ASIC2: variants seen among roughly 807,000 people sequenced by gnomAD.
The protein encoded by ASIC2 is acid-sensing ion channel 2.
In ASIC2, 25 loss-of-function variants were observed where a neutral mutation model predicts 57.3. That is an observed-to-expected ratio of 0.44 (90% CI 0.32 to 0.61). The LOEUF (loss-of-function observed/expected upper bound fraction) is 0.61. ASIC2 is among the 20% of genes least tolerant of loss of function. The pLI, the probability that ASIC2 is intolerant of heterozygous loss-of-function variation, is 0.06. For synonymous variants in ASIC2, 319 were observed against 307.5 expected (o/e 1.04, Z -0.39); for missense variants, 641 against 738.1 (o/e 0.87, Z 1.52).
At chr17:33,497,627 A>C (rs931460601) in intron 1 of ASIC2, among the ~76,000 whole-genome samples, 1 of 152,152 alleles carries the variant, frequency 6.6e-6, no homozygotes, top group African/African-American at 2.4e-5. Flanking sequence ...TCCTGCCCCC[A>C]CTAGGGCAGG....
intron 1 of ASIC2, among the ~76,000 whole-genome samples, chr17:33,580,903 C>A (rs1488858770): frequency 6.6e-6 from 1 of 152,136 alleles, no homozygotes; most frequent in Non-Finnish European, 1.5e-5. Flanking sequence ...GTTAATGGGC[C>A]ACGGTCATGT....
intron 1 of ASIC2, among the ~76,000 whole-genome samples, chr17:33,663,131 A>G (rs1027759691): frequency 2.0e-5 from 3 of 152,188 alleles, no homozygotes; most frequent in Non-Finnish European, 2.9e-5. Flanking sequence ...TTCATCTTCA[A>G]AATAACTCAG....
At chr17:33,148,463 C>T (rs907143623) in intron 1 of ASIC2, among the ~76,000 whole-genome samples, 5 of 152,196 alleles carry the variant, frequency 3.3e-5, no homozygotes, top group African/African-American at 1.2e-4. Context: ...AAGAAGCACA[C>T]TTGGGTATCA....
At chr17:33,537,244 T>A (rs1164116407) in intron 1 of ASIC2, among the ~76,000 whole-genome samples, 1 of 152,128 alleles carries the variant, frequency 6.6e-6, no homozygotes, top group African/African-American at 2.4e-5. Flanking sequence ...TGTTCTGGTG[T>A]CAGGGTCTCT....
intron 1 of ASIC2, among the ~76,000 whole-genome samples, chr17:34,063,653 T>A (rs926078132): frequency 2.6e-5 from 4 of 152,150 alleles, no homozygotes; most frequent in Non-Finnish European, 4.4e-5. Flanking sequence ...CTAGAACTGA[T>A]AAAAGAACTC....
chr17:33,164,557 G>A (rs1204129416), intron 1 of ASIC2, among the ~76,000 whole-genome samples: 2 of 144,572 alleles, frequency 1.4e-5, no homozygotes, highest in Non-Finnish European at 3.0e-5. Flanking sequence ...GGAAACAGCT[G>A]TCCCAAAAGC....
chr17:33,842,225 A>G lies in ASIC2; in HGVS notation c.555+313753T>C, dbSNP rs190787394. Among the ~76,000 whole-genome samples the G allele has an allele frequency of 4.1e-3, 627 of 152,306 alleles. 4 individuals are homozygous for G. The highest frequency in any genetic ancestry group is 0.013 in the African/African-American group (549 of 41,564). On this transcript the variant is annotated intron_variant, in intron 1 of 9. Transcript: ENST00000359872. ...GACTTGCACCTGGCAACCTTCATTT[A>G]ACGCAAAACTCAGGGCCTCAGTGCC...
rs549819687 is a variant in ASIC2, at chr17:33,460,073, T to C, written c.556-348006A>G. On this transcript the variant is annotated intron_variant, in intron 1 of 9. Coordinates refer to the ASIC2 transcript ENST00000359872. The stretch of plus-strand genomic sequence containing the variant: ...GTTTGACAAACTAGCTAGTAGTTTA[T>C]GCTCTATAGCAGACATTTTTGCTTG... 8.5e-5 allele frequency among the ~76,000 whole-genome samples: 13 copies of C among 152,356 alleles called. No homozygotes were observed. The East Asian group carries it at 1.7e-3, about 20-fold the overall frequency.
intron 3 of ASIC2, chr17:33,052,009 A>G (rs2091978763): frequency 6.6e-6 from 1 of 152,176 alleles, no homozygotes; most frequent in African/African-American, 2.4e-5. Flanking sequence ...GCGGGAAGAG[A>G]AAAAGAGCAA....
At chr17:33,100,796 A>C (rs895831584) in intron 2 of ASIC2, among the ~76,000 whole-genome samples, 3 of 152,152 alleles carry the variant, frequency 2.0e-5, no homozygotes, top group Non-Finnish European at 4.4e-5. Flanking sequence ...ATGAGGTCTG[A>C]GGTTGGGGCT....
chr17:33,171,508 A>G (rs998113867), intron 1 of ASIC2, among the ~76,000 whole-genome samples: 10 of 152,250 alleles, frequency 6.6e-5, no homozygotes, highest in East Asian at 3.9e-4. Context: ...TTTCACCTCA[A>G]TATAGCTCAA....
At chr17:33,437,528 G>A (rs963389337) in intron 1 of ASIC2, among the ~76,000 whole-genome samples, 1 of 152,184 alleles carries the variant, frequency 6.6e-6, no homozygotes, top group African/African-American at 2.4e-5. Context: ...AGGGCCAGGT[G>A]TGGTGGCTCA....
chr17:33,730,319 T>C (rs2142090282), intron 1 of ASIC2, among the ~76,000 whole-genome samples: 1 of 152,326 alleles, frequency 6.6e-6, no homozygotes, highest in East Asian at 1.9e-4. Context: ...CTCCAGAGAC[T>C]ACAGATCTCA....
chr17:33,284,873 G>A (rs561508101), intron 1 of ASIC2, among the ~76,000 whole-genome samples: 2 of 152,252 alleles, frequency 1.3e-5, no homozygotes, highest in Non-Finnish European at 2.9e-5. Flanking sequence ...CCCACTCCCT[G>A]TATATCAGGA....
chr17:33,594,555 A>G (rs1238668622), intron 1 of ASIC2, among the ~76,000 whole-genome samples: 1 of 152,096 alleles, frequency 6.6e-6, no homozygotes, highest in East Asian at 1.9e-4. Context: ...TAGGCTGGGC[A>G]CAGTGGCTCA....
At chr17:33,092,801 T>C (rs8080183) in intron 2 of ASIC2, among the ~76,000 whole-genome samples, 18,960 of 152,260 alleles carry the variant, frequency 0.12, 1,309 homozygotes, top group Non-Finnish European at 0.16. Flanking sequence ...GCTGAGGGCA[T>C]GGGATATCTT....
At chr17:33,634,914 C>G (rs1906307059) in intron 1 of ASIC2, 1 of 151,902 alleles carries the variant, frequency 6.6e-6, no homozygotes, top group Non-Finnish European at 1.5e-5. Context: ...GAGAGACAGT[C>G]AATAAACTGG....
chr17:33,521,706 C>T (rs925308721), intron 1 of ASIC2, among the ~76,000 whole-genome samples: 1 of 152,184 alleles, frequency 6.6e-6, no homozygotes, highest in Non-Finnish European at 1.5e-5. Context: ...GAAGGAATTG[C>T]TCAAGTCACG....
chr17:33,639,263 G>A (rs1055186002), intron 1 of ASIC2, among the ~76,000 whole-genome samples: 5 of 152,118 alleles, frequency 3.3e-5, no homozygotes, highest in African/African-American at 7.2e-5. Context: ...TTTGTAGCAT[G>A]TGGAAAATCA....
Sources: allele counts gnomAD v4.1 joint callset (sites outside exome capture counted in the v4.1 genomes callset), GRCh38; gene constraint gnomAD v4.1.1; transcripts MANE v1.5; gene names NCBI Gene and HGNC (gene_info 2026-07-23, HGNC 2026-07-21).